The following MTUS2 variants were observed in gnomAD, a reference collection of about 807,000 sequenced individuals.
The protein encoded by MTUS2 is microtubule associated scaffold protein 2, also known as microtubule-associated tumor suppressor candidate 2.
MTUS2 carries 40 observed loss-of-function variants against 114.1 expected under a neutral mutation model. That is an observed-to-expected ratio of 0.35 (90% CI 0.27 to 0.46). The LOEUF is 0.46. Ranked by LOEUF, MTUS2 falls within the 20% of genes least tolerant of loss-of-function variation. MTUS2 has a pLI of 1.00. For missense variants in MTUS2, 1,679 were observed against 1,705.4 expected (o/e 0.98, Z 0.27); for synonymous variants, 688 against 672.0 (o/e 1.02, Z -0.37).
rs181304904 is a variant in MTUS2, at chr13:29,037,345, C to G, written c.2446+3220C>G. Among the ~76,000 whole-genome samples, 11 of 152,332 alleles carry G rather than the reference C, an allele frequency of 7.2e-5. 1 individual carries two copies. Among genetic ancestry groups the G allele is most frequent in the Admixed American group, 5.2e-4 (8 of 15,308 alleles). On this transcript the variant is annotated intron_variant, in intron 4 of 15. Coordinates refer to ENST00000612955, the MANE Select transcript of MTUS2 (RefSeq NM_001033602.4). Reference sequence around the variant, plus strand: ...AGAATGTTGAATATTGGCTCCCACTCTCTTCTGGCTTGTAGAGTTTCTGCT... The same window carrying G: ...AGAATGTTGAATATTGGCTCCCACTGTCTTCTGGCTTGTAGAGTTTCTGCT...
intron 2 of MTUS2, among the ~76,000 whole-genome samples, chr13:28,960,484 C>T (rs551040274): frequency 1.3e-5 from 2 of 152,250 alleles, no homozygotes; most frequent in East Asian, 3.9e-4. Context: ...CAAGTGCATA[C>T]ACAATATATC....
At chr13:29,337,533 A>G (rs1419994712) in intron 7 of MTUS2, among the ~76,000 whole-genome samples, 1 of 152,040 alleles carries the variant, frequency 6.6e-6, no homozygotes, top group Non-Finnish European at 1.5e-5. Flanking sequence ...AAATACAAAA[A>G]TCACCCGCCT....
chr13:28,997,743 G>T (rs1247976290), intron 2 of MTUS2, among the ~76,000 whole-genome samples: 2 of 151,856 alleles, frequency 1.3e-5, no homozygotes, highest in Non-Finnish European at 2.9e-5. Flanking sequence ...CATTTGCTTG[G>T]TAGATCTTCC....
chr13:29,259,483 G>A (rs1897393199), intron 5 of MTUS2, among the ~76,000 whole-genome samples: 1 of 152,140 alleles, frequency 6.6e-6, no homozygotes, highest in African/African-American at 2.4e-5. Context: ...TCTTCCTTGG[G>A]GAAATTGCCC....
chr13:29,062,959 G>A (rs1888491127), intron 4 of MTUS2, among the ~76,000 whole-genome samples: 4 of 152,064 alleles, frequency 2.6e-5, no homozygotes, highest in South Asian at 2.1e-4. Flanking sequence ...CTTTGACTTC[G>A]TAACCATGCT....
At chr13:28,985,555 G>A (rs1884544114) in intron 2 of MTUS2, among the ~76,000 whole-genome samples, 1 of 139,270 alleles carries the variant, frequency 7.2e-6, no homozygotes, top group Non-Finnish European at 1.5e-5. Context: ...CGAAGAAATG[G>A]TATTCTTTTT....
chr13:29,201,772 C>A (rs9550449), intron 5 of MTUS2, among the ~76,000 whole-genome samples: 1 of 152,006 alleles, frequency 6.6e-6, no homozygotes, highest in Admixed American at 6.6e-5. Flanking sequence ...AAGCTTAGTT[C>A]GGCTGGATAT....
intron 2 of MTUS2, among the ~76,000 whole-genome samples, chr13:28,861,069 G>A (rs1439120355): frequency 2.0e-5 from 3 of 152,144 alleles, no homozygotes; most frequent in Non-Finnish European, 2.9e-5. Flanking sequence ...GCTGGTAGAG[G>A]GCAGGGCAGC....
chr13:29,073,717 G>A (rs1889051221), intron 4 of MTUS2, among the ~76,000 whole-genome samples: 1 of 152,050 alleles, frequency 6.6e-6, no homozygotes, highest in African/African-American at 2.4e-5. Context: ...CTGATCACGG[G>A]GAGTAACCCT....
intron 4 of MTUS2, among the ~76,000 whole-genome samples, chr13:29,058,112 C>A (rs1322040769): frequency 1.3e-5 from 2 of 151,948 alleles, no homozygotes; most frequent in African/African-American, 4.8e-5. Context: ...TGAATATAGG[C>A]CCCCAGTCTC....
chr13:29,013,113 G>GA (rs1885922720), intron 2 of MTUS2, among the ~76,000 whole-genome samples: 1 of 152,154 alleles, frequency 6.6e-6, no homozygotes, highest in African/African-American at 2.4e-5. Flanking sequence ...ATGCCTATAG[G>GA]AAAAATACAT....
intron 5 of MTUS2, among the ~76,000 whole-genome samples, chr13:29,181,215 C>T (rs1207217093): frequency 9.6e-6 from 1 of 103,750 alleles, no homozygotes; most frequent in Admixed American, 9.8e-5. Flanking sequence ...TCCTTAGTAC[C>T]GACTGTGTAA....
chr13:28,969,252 A>G (rs1883741089), intron 2 of MTUS2, among the ~76,000 whole-genome samples: 1 of 152,002 alleles, frequency 6.6e-6, no homozygotes, highest in African/African-American at 2.4e-5. Flanking sequence ...GTGTTGCCCA[A>G]GCTGGTTGCA....
Position 28,865,811 on chromosome 13 carries a change from G to A in MTUS2, c.-243+25961G>A, listed in dbSNP as rs370046636. Among the ~76,000 whole-genome samples, 9 of 152,230 alleles carry A rather than the reference G, an allele frequency of 5.9e-5. No individual in the cohort carries two copies. In the South Asian group the frequency reaches 1.9e-3, roughly 32 times the overall value. ...CTATGATGACATTCTGGGTTGACTG[G>A]CCACACTAGAGTCTCTTGCAGGCTC... On this transcript the variant is annotated intron_variant, in intron 2 of 15. Transcript: ENST00000612955.
At chr13:29,017,056 G>GAA (rs2138443442) in intron 2 of MTUS2, among the ~76,000 whole-genome samples, 1 of 152,218 alleles carries the variant, frequency 6.6e-6, no homozygotes, top group East Asian at 1.9e-4. Flanking sequence ...AAAACATGGA[G>GAA]GTATTATTAC....
At chr13:29,166,763 G>C (rs986384210) in intron 5 of MTUS2, among the ~76,000 whole-genome samples, 1 of 152,040 alleles carries the variant, frequency 6.6e-6, no homozygotes, top group East Asian at 1.9e-4. Context: ...TACTTGCCAG[G>C]TCAGTAGCCT....
At chr13:29,180,437 C>A (rs1425579913) in intron 5 of MTUS2, among the ~76,000 whole-genome samples, 1 of 152,090 alleles carries the variant, frequency 6.6e-6, no homozygotes, top group African/African-American at 2.4e-5. Flanking sequence ...AAATTAAAAG[C>A]AAATTAATAA....
rs966388138 is a variant in MTUS2 at position 29,487,903 on chromosome 13, G to A, written c.3403G>A (p.Glu1135Lys). 1.2e-6 allele frequency: 2 copies of A among 1,612,968 alleles called. No homozygotes were observed. Among genetic ancestry groups the A allele is most frequent in the South Asian group, 2.2e-5 (2 of 91,042 alleles). Residue 1135 changes from glutamate to lysine, a missense_variant, in exon 11 of 16, where the codon GAA becomes AAA. Physicochemically the swap from Glu to Lys is moderately conservative, Grantham distance 56. Transcript: ENST00000612955. ...AGTAACTGCGACTCTCCTCCAGGTG[G>A]AAGATCTCACCGCCAGCCATGATGC... ...SIRCQHQEQV[E>K]DLTASHDAAL... is the part of the protein sequence containing the mutation.
At chr13:29,144,522 GC>G (rs1892353821) in intron 5 of MTUS2, among the ~76,000 whole-genome samples, 1 of 152,030 alleles carries the variant, frequency 6.6e-6, no homozygotes, top group South Asian at 2.1e-4. Flanking sequence ...AGCCACTGTG[GC>G]CAGCTCAAGA....
Sources: gnomAD v4.1 joint callset for allele counts (sites outside exome capture counted in the v4.1 genomes callset) on GRCh38, gnomAD v4.1.1 for gene constraint, MANE v1.5 for transcripts, NCBI Gene and HGNC (gene_info 2026-07-23, HGNC 2026-07-21) for gene names.